The following PRIMPOL variants were observed in gnomAD, a reference collection of about 807,000 sequenced individuals.
The protein encoded by PRIMPOL is DNA-directed primase/polymerase protein.
Under a neutral mutation model 63.6 loss-of-function variants are expected in PRIMPOL, and 54 were observed. The observed-to-expected ratio is 0.85, with a 90% CI of 0.68 to 1.07. The LOEUF is 1.07. Ranked by LOEUF, PRIMPOL falls within the 50% of genes least tolerant of loss-of-function variation. The pLI, the probability that PRIMPOL is intolerant of heterozygous loss-of-function variation, is 0.00. For synonymous variants in PRIMPOL, 197 were observed against 220.2 expected, an observed-to-expected ratio of 0.89 and a Z score of 0.93; for missense variants, 610 against 648.3, an observed-to-expected ratio of 0.94 and a Z score of 0.64.
At chr4:184,665,300 A>G (rs190976197) in intron 5 of PRIMPOL, among the ~76,000 whole-genome samples, 1 of 152,294 alleles carries the variant, frequency 6.6e-6, no homozygotes, top group East Asian at 1.9e-4. Context: ...CCAAAGCCAT[A>G]GAGCTGGCAG....
chr4:184,660,070 C>T (rs1344431746), intron 4 of PRIMPOL, among the ~76,000 whole-genome samples: 1 of 152,030 alleles, frequency 6.6e-6, no homozygotes, highest in East Asian at 1.9e-4. Context: ...ATCCACCCAC[C>T]TCGGCCTCCC....
chr4:184,671,701 G>T (rs1291966115), intron 6 of PRIMPOL, among the ~76,000 whole-genome samples: 1 of 150,134 alleles, frequency 6.7e-6, no homozygotes, highest in Non-Finnish European at 1.5e-5. Flanking sequence ...ACAAAAGGAA[G>T]TCACAGGAGT....
In PRIMPOL at chr4:184,694,587, A is replaced by G. The variant is rs1315362730; in HGVS notation, c.1491A>G (p.Lys497=). Residue 497 remains lysine, a synonymous_variant, in exon 14 of 14, where the codon AAA becomes AAG. Transcript: ENST00000314970. Reference sequence around the variant, plus strand: ...GCAATGAAACCCAGAATCCTCATAAACCATCACCTAGCAGGCTGTCAACAG... The same window carrying G: ...GCAATGAAACCCAGAATCCTCATAAGCCATCACCTAGCAGGCTGTCAACAG... ...TRSNETQNPH[K]PSPSRLSTGA... 6.2e-7 allele frequency: 1 copy of G among 1,614,152 alleles called. No individual in the cohort carries two copies. Among genetic ancestry groups the G allele is most frequent in the East Asian group, 2.2e-5 (1 of 44,888 alleles).
At chr4:184,694,428 T>C in intron 13 of PRIMPOL, 94 bp from the exon 14 acceptor site, 1 of 1,478,738 alleles carries the variant, frequency 6.8e-7, no homozygotes, top group Non-Finnish European at 9.0e-7. Context: ...TGTCACTTAA[T>C]ACCTTACTTC....
intron 6 of PRIMPOL, among the ~76,000 whole-genome samples, chr4:184,668,421 C>T (rs1184118863): frequency 1.3e-5 from 2 of 152,264 alleles, no homozygotes; most frequent in Non-Finnish European, 2.9e-5. Flanking sequence ...AGTGATTATT[C>T]GCTGCCTTCA....
At chr4:184,676,175 T>G (rs567204839) in intron 7 of PRIMPOL, among the ~76,000 whole-genome samples, 1 of 151,986 alleles carries the variant, frequency 6.6e-6, no homozygotes, top group Admixed American at 6.6e-5. Flanking sequence ...AGTGCAGTGG[T>G]GCAATCCTGC....
chr4:184,659,924 C>A (rs1264492382), intron 4 of PRIMPOL, among the ~76,000 whole-genome samples: 5 of 151,986 alleles, frequency 3.3e-5, no homozygotes, highest in African/African-American at 4.8e-5. Context: ...GAGTGCAAGT[C>A]GTTGTTCTGC....
intron 8 of PRIMPOL, among the ~76,000 whole-genome samples, chr4:184,678,676 T>C (rs570406235): frequency 2.4e-4 from 37 of 151,998 alleles, no homozygotes; most frequent in Non-Finnish European, 4.3e-4. Context: ...TACAGGCGCC[T>C]GCCACCACAC....
intron 2 of PRIMPOL, among the ~76,000 whole-genome samples, chr4:184,655,750 G>A (rs1746247671): frequency 6.6e-6 from 1 of 152,182 alleles, no homozygotes; most frequent in Non-Finnish European, 1.5e-5. Flanking sequence ...AAGCACAAAT[G>A]TGTTACCAAA....
rs376827039 is a variant in PRIMPOL at position 184,685,390 on chromosome 4, A to G, written c.1097-19A>G. ...AACTTTCAGCTATTGTAATTTATAAACCATTCTCTCTGTTGCAGTAGAAAC... is the reference window on the plus strand; with the variant it reads ...AACTTTCAGCTATTGTAATTTATAAGCCATTCTCTCTGTTGCAGTAGAAAC... On this transcript the variant is annotated intron_variant, in intron 9 of 13. Coordinates refer to ENST00000314970, the MANE Select transcript of PRIMPOL (RefSeq NM_152683.4). The G allele has an allele frequency of 1.1e-5, 17 of 1,534,848 alleles. No homozygotes were observed. In the African/African-American group the frequency reaches 2.2e-4, roughly 20 times the overall value.
At chr4:184,652,853 AAAAAG>A (rs1360226714) in intron 2 of PRIMPOL, among the ~76,000 whole-genome samples, 2 of 148,086 alleles carry the variant, frequency 1.4e-5, no homozygotes, top group East Asian at 2.0e-4. Context: ...GAAAAAAAGA[AAAAAG>A]AAAAGGAGGG....
intron 6 of PRIMPOL, among the ~76,000 whole-genome samples, chr4:184,667,071 G>C (rs1750121184): frequency 6.6e-6 from 1 of 152,192 alleles, no homozygotes; most frequent in Non-Finnish European, 1.5e-5. Flanking sequence ...CGGCCACCTA[G>C]AGTAAAAGGC....
In PRIMPOL at chr4:184,672,315, G is replaced by A; in HGVS notation, c.699G>A (p.Met233Ile). The part of the protein sequence containing the change: ...PARQGFSFNK[M>I]FTEKATEESW... ...GACAAGGATTTTCTTTCAATAAAATGTTCACAGAAAAGGCTACAGAGGAAA... is the reference window on the plus strand; with the variant it reads ...GACAAGGATTTTCTTTCAATAAAATATTCACAGAAAAGGCTACAGAGGAAA... Residue 233 changes from methionine to isoleucine, a missense_variant, in exon 7 of 14, where the codon ATG becomes ATA. Coordinates refer to ENST00000314970, the MANE Select transcript of PRIMPOL (RefSeq NM_152683.4). 1 of 1,614,110 alleles carries A rather than the reference G, an allele frequency of 6.2e-7. No homozygotes were observed. The highest frequency in any genetic ancestry group is 1.1e-5 in the South Asian group (1 of 91,082).
intron 7 of PRIMPOL, among the ~76,000 whole-genome samples, chr4:184,673,135 C>CCT (rs533751101): frequency 2.8e-5 from 4 of 141,930 alleles, no homozygotes; most frequent in East Asian, 2.1e-4. Flanking sequence ...TTTTCTTTTT[C>CCT]TTTTTTTTTT....
rs72689244 is a variant in PRIMPOL at position 184,658,035 on chromosome 4, T to A, written c.180+715T>A. 3.7e-3 allele frequency among the ~76,000 whole-genome samples: 545 copies of A among 147,106 alleles called. 5 individuals are homozygous for A. The highest frequency in any genetic ancestry group is 0.011 in the African/African-American group (418 of 38,770). On this transcript the variant is annotated intron_variant, in intron 3 of 13. Transcript: ENST00000314970. The stretch of plus-strand genomic sequence containing the variant: ...ATAAATAAATAAATAAATAAATAAA[T>A]ATCACTAAATCAAGCAACAGATGTG...
At chr4:184,655,564 C>T (rs12513060) in intron 2 of PRIMPOL, among the ~76,000 whole-genome samples, 2 of 152,250 alleles carry the variant, frequency 1.3e-5, no homozygotes, top group East Asian at 1.9e-4. Flanking sequence ...TCATGATCCA[C>T]CCGCCTCAGC....
intron 4 of PRIMPOL, among the ~76,000 whole-genome samples, chr4:184,660,679 T>A (rs28581680): frequency 0.043 from 6,502 of 152,288 alleles, 461 homozygotes; most frequent in African/African-American, 0.15. Context: ...GACAGATGTT[T>A]TGCTGAAACT....
intron 2 of PRIMPOL, among the ~76,000 whole-genome samples, chr4:184,654,120 C>T (rs975161024): frequency 6.6e-6 from 1 of 152,194 alleles, no homozygotes; most frequent in Non-Finnish European, 1.5e-5. Flanking sequence ...GACATACTCC[C>T]GTGGTCCTAC....
chr4:184,671,462 A>G (rs1751598059), intron 6 of PRIMPOL, among the ~76,000 whole-genome samples: 1 of 150,062 alleles, frequency 6.7e-6, no homozygotes, highest in African/African-American at 2.5e-5. Context: ...TATTATTTTT[A>G]TGATCTCTTA....
Sources: gnomAD v4.1 joint callset for allele counts (sites outside exome capture counted in the v4.1 genomes callset) on GRCh38, gnomAD v4.1.1 for gene constraint, MANE v1.5 for transcripts, NCBI Gene and HGNC (gene_info 2026-07-23, HGNC 2026-07-21) for gene names.